BLNK: variants seen among roughly 807,000 people sequenced by gnomAD.
BLNK encodes the protein B-cell linker protein.
BLNK carries 29 observed loss-of-function variants against 73.5 expected under a neutral mutation model. The observed-to-expected ratio is 0.39, with a 90% CI of 0.29 to 0.54. The LOEUF (loss-of-function observed/expected upper bound fraction) is 0.54. BLNK is among the 20% of genes least tolerant of loss of function. The pLI is 0.61. For synonymous variants in BLNK, 176 were observed against 200.8 expected (o/e 0.88, Z 1.04); for missense variants, 460 against 562.8 (o/e 0.82, Z 1.85).
intron 16 of BLNK, among the ~76,000 whole-genome samples, chr10:96,196,518 G>A (rs1199722270): frequency 1.3e-5 from 2 of 152,048 alleles, no homozygotes; most frequent in Admixed American, 1.3e-4. Context: ...ATCCTTCCCT[G>A]GTAACCTACC....
rs781789678 is a variant in BLNK, at chr10:96,223,811, A to C, written c.525+15T>G. On this transcript the variant is annotated intron_variant, in intron 6 of 16. Coordinates refer to ENST00000224337, the MANE Select transcript of BLNK (RefSeq NM_013314.4). Reference sequence around the variant, plus strand: ...CTCTGTGTCCTGGGAAGCCTTTGGCACAGATTTACTTTACCTCATCCTCAA... The same window carrying C: ...CTCTGTGTCCTGGGAAGCCTTTGGCCCAGATTTACTTTACCTCATCCTCAA... 1 of 1,613,398 alleles carries C rather than the reference A, an allele frequency of 6.2e-7. No individual in the cohort carries two copies. The highest frequency in any genetic ancestry group is 8.5e-7 in the Non-Finnish European group (1 of 1,179,948).
Position 96,271,544 on chromosome 10 carries a change from C to A in BLNK, c.-146G>T, listed in dbSNP as rs1554915819. The A allele has an allele frequency of 5.1e-6, 4 of 787,100 alleles. No individual in the cohort carries two copies. The highest frequency in any genetic ancestry group is 1.7e-5 in the African/African-American group (1 of 58,550). 48.8% of individuals were successfully genotyped at this position (787,100 alleles called of 1,614,324 possible). A position where few individuals can be genotyped will look rare whatever the true frequency, so the allele number is the denominator to read the frequency against. ...GATTTCTGAGAGTGCAGGCTGCTGGCAAACACCCCTGCTCTAGGGAGAAGT... is the reference window on the plus strand; with the variant it reads ...GATTTCTGAGAGTGCAGGCTGCTGGAAAACACCCCTGCTCTAGGGAGAAGT... On this transcript the variant is annotated 5_prime_UTR_variant, in exon 1 of 17. Coordinates refer to ENST00000224337, the MANE Select transcript of BLNK (RefSeq NM_013314.4).
intron 3 of BLNK, among the ~76,000 whole-genome samples, chr10:96,240,144 A>T (rs1554905893): frequency 1.3e-5 from 2 of 152,090 alleles, no homozygotes; most frequent in African/African-American, 4.8e-5. Flanking sequence ...TTGCTAATTT[A>T]TATTTACCTG....
intron 1 of BLNK, among the ~76,000 whole-genome samples, chr10:96,250,125 A>C (rs1156906213): frequency 1.3e-5 from 2 of 152,174 alleles, no homozygotes; most frequent in Admixed American, 1.3e-4. Context: ...GGCCGGGCAC[A>C]CTGATGATAC....
intron 1 of BLNK, among the ~76,000 whole-genome samples, chr10:96,256,791 G>A (rs151083865): frequency 2.5e-4 from 35 of 142,112 alleles, no homozygotes; most frequent in African/African-American, 7.8e-4. Flanking sequence ...TGAGGCCTGA[G>A]AATCACTTGA....
intron 11 of BLNK, 43 bp from the exon 12 acceptor site, chr10:96,204,659 C>A: frequency 6.3e-7 from 1 of 1,593,824 alleles, no homozygotes. Flanking sequence ...AGTGAAATGT[C>A]TGTCCTCATC....
At chr10:96,220,122 C>T (rs2084161071) in intron 6 of BLNK, among the ~76,000 whole-genome samples, 1 of 152,218 alleles carries the variant, frequency 6.6e-6, no homozygotes, top group African/African-American at 2.4e-5. Context: ...TCAGATATCA[C>T]CTCCTGAAGC....
At chr10:96,246,494 G>C (rs1031947382) in intron 2 of BLNK, among the ~76,000 whole-genome samples, 1 of 152,258 alleles carries the variant, frequency 6.6e-6, no homozygotes. Context: ...AGAGGTTGCG[G>C]TGAGCTGATA....
chr10:96,196,986 C>T lies in BLNK; in HGVS notation c.1173G>A (p.Lys391=), dbSNP rs782786523. ...ATCGCACAGGAATATTATATACTCG[C>T]TTATTAAAGAATACAACTAGTGTAT... ...QPYTLVVFFN[K]RVYNIPVRFI... The change falls in exon 16 of 17, where the codon AAG becomes AAA. Residue 391 remains lysine (K), a synonymous_variant. Transcript: ENST00000224337. The T allele has an allele frequency of 3.1e-6, 5 of 1,613,080 alleles. No homozygotes were observed. The East Asian group carries it at 8.9e-5, about 29-fold the overall frequency.
At chr10:96,243,765 C>G (rs1042422196) in intron 2 of BLNK, among the ~76,000 whole-genome samples, 1 of 152,070 alleles carries the variant, frequency 6.6e-6, no homozygotes. Context: ...GAAAACTATT[C>G]CAAGTTTTGT....
intron 8 of BLNK, among the ~76,000 whole-genome samples, chr10:96,214,715 T>A (rs1336649981): frequency 1.3e-5 from 2 of 152,096 alleles, no homozygotes; most frequent in East Asian, 3.9e-4. Context: ...GAGTTACCAG[T>A]GTAGACTTGA....
At chr10:96,203,474 G>A (rs1421717046) in intron 13 of BLNK, 2 of 152,110 alleles carry the variant, frequency 1.3e-5, no homozygotes, top group East Asian at 3.8e-4. Context: ...GTAAAGCAGA[G>A]TTTTTTTCTT....
Position 96,224,003 on chromosome 10 carries a change from A to C in BLNK, c.362-14T>G. ...TTGATCGATTGTCTTGAAAGGAACA[A>C]ACAAAAAACATAACATAAAAGAGGC... On this transcript the variant is annotated splice_polypyrimidine_tract_variant and intron_variant, in intron 5 of 16. Coordinates refer to ENST00000224337, the MANE Select transcript of BLNK (RefSeq NM_013314.4). The C allele has an allele frequency of 6.2e-7, 1 of 1,612,440 alleles. No homozygotes were observed. Among genetic ancestry groups the C allele is most frequent in the Non-Finnish European group, 8.5e-7 (1 of 1,179,980 alleles).
rs797041547 is a variant in BLNK at position 96,204,822 on chromosome 10, T to G, written c.818-206A>C. On this transcript the variant is annotated intron_variant, in intron 11 of 16. Transcript: ENST00000224337. ...GGACCAGGACTCCCTCCCAGCAGTG[T>G]TACAGGTACATCCTACCACCTCTGC... 2.9e-5 allele frequency: 16 copies of G among 561,362 alleles called. No homozygotes were observed. The African/African-American group carries it at 3.0e-4, about 10-fold the overall frequency. 34.8% of individuals were successfully genotyped at this position (561,362 alleles called of 1,614,324 possible). A position where few individuals can be genotyped will look rare whatever the true frequency, so the allele number is the denominator to read the frequency against.
At chr10:96,254,613 T>A (rs182933209) in intron 1 of BLNK, among the ~76,000 whole-genome samples, 2 of 152,176 alleles carry the variant, frequency 1.3e-5, no homozygotes, top group African/African-American at 4.8e-5. Flanking sequence ...CAGGTTCAAG[T>A]GATTCTCCTA....
chr10:96,204,032 C>G lies in BLNK; in HGVS notation c.934+25G>C, dbSNP rs587631607. The G allele has an allele frequency of 1.9e-4, 304 of 1,605,874 alleles. No homozygotes were observed. In the South Asian group the frequency reaches 3.0e-3, roughly 16 times the overall value. ...ATCCAGCCTCGACCACTCCCTGATACACTACATGGCTTCGTTGTACTTACT... is the reference window on the plus strand; with the variant it reads ...ATCCAGCCTCGACCACTCCCTGATAGACTACATGGCTTCGTTGTACTTACT... On this transcript the variant is annotated intron_variant, in intron 13 of 16. Transcript: ENST00000224337.
In BLNK at chr10:96,200,237, A is replaced by G. The variant is rs1346947118; in HGVS notation, c.1012-79T>C. On this transcript the variant is annotated intron_variant, in intron 14 of 16. Coordinates refer to ENST00000224337, the MANE Select transcript of BLNK (RefSeq NM_013314.4). This position sits in a 1 kb window ranked among gnomAD's most constrained non-coding sequence, Gnocchi z 4.3. Reference sequence around the variant, plus strand: ...TTCTGTGTACTAGAAACAAAGACCCATTTGCATTATCAAGACAGGCCTCTA... The same window carrying G: ...TTCTGTGTACTAGAAACAAAGACCCGTTTGCATTATCAAGACAGGCCTCTA... The G allele has an allele frequency of 8.6e-7, 1 of 1,162,458 alleles. No individual in the cohort carries two copies. The highest frequency in any genetic ancestry group is 1.5e-5 in the African/African-American group (1 of 66,266). 72.0% of individuals were successfully genotyped at this position (1,162,458 alleles called of 1,614,324 possible). A position where few individuals can be genotyped will look rare whatever the true frequency, so the allele number is the denominator to read the frequency against.
chr10:96,228,840 A>G (rs1554903346), intron 4 of BLNK, among the ~76,000 whole-genome samples: 1 of 152,166 alleles, frequency 6.6e-6, no homozygotes, highest in African/African-American at 2.4e-5. Flanking sequence ...TGCCTATCAC[A>G]TTGCATGATC....
intron 1 of BLNK, among the ~76,000 whole-genome samples, chr10:96,262,334 C>T (rs1274479568): frequency 6.6e-6 from 1 of 152,198 alleles, no homozygotes; most frequent in Non-Finnish European, 1.5e-5. Flanking sequence ...ACCAGGGAAG[C>T]ACAGACCAGG....
Sources: gnomAD v4.1 joint callset for allele counts (sites outside exome capture counted in the v4.1 genomes callset) on GRCh38, gnomAD v4.1.1 for gene constraint, Gnocchi (gnomAD v3.1) non-coding constraint, MANE v1.5 for transcripts, NCBI Gene and HGNC (gene_info 2026-07-23, HGNC 2026-07-21) for gene names.